VPS13B: variants seen among roughly 807,000 people sequenced by gnomAD.
VPS13B encodes intermembrane lipid transfer protein VPS13B.
In VPS13B, 285 loss-of-function variants were observed where a neutral mutation model predicts 426.4. The ratio of observed to expected loss-of-function variants is 0.67; its 90% CI spans 0.61 to 0.74. The LOEUF (loss-of-function observed/expected upper bound fraction) is 0.74, where lower values mean the gene tolerates loss of function less well. Ranked by LOEUF, VPS13B falls within the 30% of genes least tolerant of loss-of-function variation. The pLI, the probability that VPS13B is intolerant of heterozygous loss-of-function variation, is 0.00. For missense variants in VPS13B, 4,537 were observed against 4,782.6 expected (o/e 0.95, Z 1.51); for synonymous variants, 1,676 against 1,676.4 (o/e 1.00, Z 0.01).
At chr8:99,122,289 T>TGTTATGTTAATG (rs1236941894) in intron 8 of VPS13B, among the ~76,000 whole-genome samples, 8 of 151,822 alleles carry the variant, frequency 5.3e-5, no homozygotes, top group African/African-American at 1.9e-4. Context: ...TAACATAACT[T>TGTTATGTTAATG]GACGACTTCC....
At chr8:99,699,267 C>T (rs1272708754) in intron 35 of VPS13B, among the ~76,000 whole-genome samples, 1 of 150,190 alleles carries the variant, frequency 6.7e-6, no homozygotes, top group Non-Finnish European at 1.5e-5. Flanking sequence ...GTGTGGCCCT[C>T]GATGTATCAG....
intron 19 of VPS13B, among the ~76,000 whole-genome samples, chr8:99,327,222 A>T (rs1022142688): frequency 2.6e-5 from 4 of 152,204 alleles, no homozygotes; most frequent in Admixed American, 2.0e-4. Flanking sequence ...AATTGGGTAG[A>T]ATGGCAACTG....
intron 2 of VPS13B, among the ~76,000 whole-genome samples, chr8:99,028,690 CCGGA>C (rs1490834046): frequency 5.0e-5 from 7 of 141,334 alleles, no homozygotes; most frequent in African/African-American, 1.9e-4. Flanking sequence ...CACCTCCCTC[CCGGA>C]CGGGGCGGCT....
intron 54 of VPS13B, among the ~76,000 whole-genome samples, chr8:99,836,671 T>C (rs187755614): frequency 8.5e-5 from 13 of 152,372 alleles, no homozygotes; most frequent in Admixed American, 8.5e-4. Flanking sequence ...TATTAGTTCA[T>C]CTGGTCTTCA....
chr8:99,636,410 C>A (rs181189374), intron 33 of VPS13B, among the ~76,000 whole-genome samples: 2 of 151,862 alleles, frequency 1.3e-5, no homozygotes, highest in African/African-American at 4.8e-5. Flanking sequence ...GAACTAAATT[C>A]CCTTTTGTTT....
intron 2 of VPS13B, among the ~76,000 whole-genome samples, chr8:99,018,726 A>G (rs1394855758): frequency 6.6e-6 from 1 of 152,218 alleles, no homozygotes; most frequent in Non-Finnish European, 1.5e-5. Context: ...GTATGTTGTT[A>G]GCTATAAATA....
chr8:99,291,199 A>G (rs1051679178), intron 19 of VPS13B, among the ~76,000 whole-genome samples: 2 of 152,118 alleles, frequency 1.3e-5, no homozygotes. Context: ...GCCAAAAGAA[A>G]GAGCACAGTA....
At chr8:99,024,377 A>G (rs977929594) in intron 2 of VPS13B, among the ~76,000 whole-genome samples, 1 of 152,216 alleles carries the variant, frequency 6.6e-6, no homozygotes, top group African/African-American at 2.4e-5. Context: ...ATTTGTCTAG[A>G]CCAAAGTCCC....
At chr8:99,567,161 T>C (rs1825230132) in intron 31 of VPS13B, among the ~76,000 whole-genome samples, 1 of 152,202 alleles carries the variant, frequency 6.6e-6, no homozygotes, top group African/African-American at 2.4e-5. Flanking sequence ...AATGTTCTCT[T>C]CTCTGAGAAA....
intron 30 of VPS13B, among the ~76,000 whole-genome samples, chr8:99,549,153 A>G (rs995056031): frequency 7.2e-5 from 11 of 152,134 alleles, no homozygotes; most frequent in Admixed American, 6.6e-5. Flanking sequence ...ATTTTCCACA[A>G]TAAAGTTTTT....
chr8:99,652,629 A>G (rs956524249), intron 34 of VPS13B, among the ~76,000 whole-genome samples: 1 of 152,136 alleles, frequency 6.6e-6, no homozygotes, highest in African/African-American at 2.4e-5. Flanking sequence ...TTGAAAAATC[A>G]TAAAATGGCT....
rs1374007392 is a variant in VPS13B at position 99,776,845 on chromosome 8, A to G, written c.7318A>G (p.Thr2440Ala). ...LVTPTALAAC[T>A]RVDSCFTPWF... ...GACTCCAACAGCCCTGGCTGCCTGT[A>G]CCAGAGTTGACTCCTGCTTTACCCC... Residue 2440 changes from threonine to alanine, a missense_variant, in exon 41 of 62, where the codon ACC becomes GCC. Physicochemically the swap from Thr to Ala is moderately conservative, Grantham distance 58. Coordinates refer to ENST00000357162, the MANE Select transcript of VPS13B (RefSeq NM_152564.5). 1 of 1,614,032 alleles carries G rather than the reference A, an allele frequency of 6.2e-7. No homozygotes were observed. Among genetic ancestry groups the G allele is most frequent in the East Asian group, 2.2e-5 (1 of 44,866 alleles).
At chr8:99,862,102 G>A (rs988244244) in intron 58 of VPS13B, among the ~76,000 whole-genome samples, 156 bp downstream of exon 58, 7 of 152,246 alleles carry the variant, frequency 4.6e-5, no homozygotes, top group African/African-American at 1.2e-4. Flanking sequence ...GCGTCCCGCC[G>A]GGGGCTCACC....
chr8:99,708,727 G>A (rs1379093021), intron 36 of VPS13B, among the ~76,000 whole-genome samples: 3 of 152,010 alleles, frequency 2.0e-5, no homozygotes, highest in African/African-American at 7.2e-5. Flanking sequence ...CAGCTTAAAT[G>A]TCAGTGTCCA....
At position 99,583,515 on chromosome 8, in the gene VPS13B, G is replaced by T. The variant is rs566068281; in HGVS notation, c.5220+5882G>T. The stretch of plus-strand genomic sequence containing the variant: ...GCCATGTGAAGTGATGGTAGAGGTT[G>T]TTTGGGGTGGTATTTTACTGTTTTA... On this transcript the variant is annotated intron_variant, in intron 33 of 61. Transcript: ENST00000357162. Among the ~76,000 whole-genome samples, 21 of 152,254 alleles carry T rather than the reference G, an allele frequency of 1.4e-4. No homozygotes were observed. In the East Asian group the frequency reaches 4.1e-3, roughly 29 times the overall value.
chr8:99,307,042 C>G (rs1317091035), intron 19 of VPS13B, among the ~76,000 whole-genome samples: 3 of 152,050 alleles, frequency 2.0e-5, no homozygotes, highest in African/African-American at 7.2e-5. Flanking sequence ...AAAGTACACA[C>G]ACGGATTTTT....
At chr8:99,708,884 CTATATATGGGCT>C (rs984595098) in intron 36 of VPS13B, among the ~76,000 whole-genome samples, 1 of 151,740 alleles carries the variant, frequency 6.6e-6, no homozygotes, top group African/African-American at 2.4e-5. Flanking sequence ...TTTGCGCTCT[CTATATATGGGCT>C]TATTACAGAA....
intron 19 of VPS13B, among the ~76,000 whole-genome samples, chr8:99,383,237 C>T (rs1243765735): frequency 6.6e-6 from 1 of 152,096 alleles, no homozygotes; most frequent in Non-Finnish European, 1.5e-5. Flanking sequence ...TGTTGGCCTG[C>T]ATTTAATCTA....
At chr8:99,643,965 G>A (rs1000776710) in intron 34 of VPS13B, among the ~76,000 whole-genome samples, 13 of 152,184 alleles carry the variant, frequency 8.5e-5, no homozygotes, top group African/African-American at 3.1e-4. Flanking sequence ...CTTGGCGTTA[G>A]CCAAAACTTA....
Sources: allele counts gnomAD v4.1 joint callset (sites outside exome capture counted in the v4.1 genomes callset), GRCh38; gene constraint gnomAD v4.1.1; transcripts MANE v1.5; gene names NCBI Gene and HGNC (gene_info 2026-07-23, HGNC 2026-07-21).